Variants in SHOC1 observed in about 807,000 individuals in gnomAD.
SHOC1 encodes the protein shortage in chiasmata 1.
Under a neutral mutation model 179.2 loss-of-function variants are expected in SHOC1, and 136 were observed. The ratio of observed to expected loss-of-function variants is 0.76; its 90% CI spans 0.66 to 0.87. The LOEUF (loss-of-function observed/expected upper bound fraction) is 0.87, where lower values mean the gene tolerates loss of function less well. SHOC1 is among the 40% of genes least tolerant of loss of function. The probability of loss-of-function intolerance (pLI) is 0.00; values close to 1 mark genes in which losing one functional copy is unlikely to be tolerated. For synonymous variants in SHOC1, 489 were observed against 586.6 expected (o/e 0.83, Z 2.41); for missense variants, 1,538 against 1,700.8 (o/e 0.90, Z 1.68).
intron 5 of SHOC1, among the ~76,000 whole-genome samples, chr9:111,762,814 ACCATCATGCTTCTACCGAAC>A (rs1269117134): frequency 2.0e-5 from 3 of 152,150 alleles, no homozygotes; most frequent in Non-Finnish European, 4.4e-5. Context: ...TAAGATAGCA[ACCATCATGCTTCTACCGAAC>A]AAAGTTCTAG....
At chr9:111,689,175 C>G (rs186045661) in intron 27 of SHOC1, among the ~76,000 whole-genome samples, 1 of 151,704 alleles carries the variant, frequency 6.6e-6, no homozygotes, top group East Asian at 1.9e-4. Flanking sequence ...TGCTTGAGCC[C>G]AAGAGTTTGA....
In SHOC1 at chr9:111,703,909, A is replaced by G. The variant is rs376730478; in HGVS notation, c.2939T>C (p.Ile980Thr). 208 of 1,606,242 alleles carry G rather than the reference A, an allele frequency of 1.3e-4. 1 individual carries two copies. Among genetic ancestry groups the G allele is most frequent in the South Asian group, 9.9e-4 (89 of 90,104 alleles). The change falls in exon 22 of 28, where the codon ATT becomes ACT. Residue 980 changes from isoleucine to threonine, a missense_variant. Physicochemically the swap from Ile to Thr is moderately conservative, Grantham distance 89. Coordinates refer to ENST00000682961, the MANE Select transcript of SHOC1 (RefSeq NM_001378211.1). ...GSSECYVVVT[I>T]DEHTAIILQD... ...CAAAATTATGGCAGTGTGTTCATCA[A>G]TTGTCACCACTACATAACACTCTGA...
At chr9:111,786,594 T>G (rs1339564945) in intron 2 of SHOC1, among the ~76,000 whole-genome samples, 1 of 150,064 alleles carries the variant, frequency 6.7e-6, no homozygotes, top group African/African-American at 2.5e-5. Context: ...TCCAAAAGCA[T>G]GTGCTCACTT....
intron 11 of SHOC1, among the ~76,000 whole-genome samples, chr9:111,739,426 G>A (rs10981042): frequency 0.013 from 2,015 of 151,980 alleles, 55 homozygotes; most frequent in African/African-American, 0.046. Context: ...CATTCCCTCC[G>A]AAGTTTTGTA....
rs1028820574 is a variant in SHOC1 at position 111,786,017 on chromosome 9, ACTT to A, written c.61_63del (p.Lys21del). The A allele has an allele frequency of 6.7e-7, 1 of 1,500,380 alleles. No homozygotes were observed. The highest frequency in any genetic ancestry group is 8.9e-7 in the Non-Finnish European group (1 of 1,127,026). 92.9% of individuals were successfully genotyped at this position (1,500,380 alleles called of 1,614,324 possible). ...CGAAGCAATAAAGCATCTCTGTAAA[ACTT>A]CTTTCTAACCACATTCTGTGGAAGA... On this transcript the variant is annotated inframe_deletion, in exon 3 of 28. Transcript: ENST00000682961.
intron 5 of SHOC1, among the ~76,000 whole-genome samples, chr9:111,762,638 A>G (rs906753744): frequency 1.3e-5 from 2 of 152,160 alleles, no homozygotes; most frequent in Non-Finnish European, 2.9e-5. Context: ...ATCTTAACCT[A>G]TGTAGAAAAA....
intron 5 of SHOC1, among the ~76,000 whole-genome samples, chr9:111,762,348 A>AGCCC (rs548500813): frequency 6.3e-4 from 96 of 151,956 alleles, no homozygotes; most frequent in African/African-American, 2.2e-3. Context: ...GGATCACTTG[A>AGCCC]GCCCGGGGGT....
chr9:111,785,106 G>A (rs1429821184), intron 3 of SHOC1, among the ~76,000 whole-genome samples: 1 of 152,066 alleles, frequency 6.6e-6, no homozygotes, highest in East Asian at 1.9e-4. Flanking sequence ...CACACATCAA[G>A]TTCGTTCTTG....
chr9:111,781,033 G>A lies in SHOC1; in HGVS notation c.170-16C>T. 1.3e-6 allele frequency: 2 copies of A among 1,577,392 alleles called. No homozygotes were observed. The highest frequency in any genetic ancestry group is 1.7e-6 in the Non-Finnish European group (2 of 1,149,334). ...ACAGCTGAGACTAGAAAGGATAATA[G>A]TTAACATTAATGTCTAGAATTTTCT... On this transcript the variant is annotated splice_polypyrimidine_tract_variant and intron_variant, in intron 3 of 27. Transcript: ENST00000682961.
chr9:111,734,135 T>C (rs1283851989), intron 12 of SHOC1, among the ~76,000 whole-genome samples: 1 of 152,210 alleles, frequency 6.6e-6, no homozygotes, highest in Non-Finnish European at 1.5e-5. Flanking sequence ...ATTATACTGT[T>C]AAACATTCAT....
At chr9:111,776,000 G>T in intron 4 of SHOC1, 25 bp from the exon 5 acceptor site, 5 of 1,561,674 alleles carry the variant, frequency 3.2e-6, no homozygotes, top group Non-Finnish European at 4.4e-6. Context: ...AATTACTAAT[G>T]TTATGTATGT....
At chr9:111,737,660 AAAAC>A (rs58885058) in intron 12 of SHOC1, among the ~76,000 whole-genome samples, 62,236 of 147,132 alleles carry the variant, frequency 0.42, 14,264 homozygotes, top group East Asian at 0.77. Flanking sequence ...ACTATGTCTC[AAAAC>A]AAACAAACAA....
At chr9:111,729,258 T>C (rs1431834308) in intron 12 of SHOC1, among the ~76,000 whole-genome samples, 4 of 106,838 alleles carry the variant, frequency 3.7e-5, no homozygotes, top group East Asian at 2.0e-4. Flanking sequence ...CGTACCACCA[T>C]GCCAGGCTTT....
At chr9:111,713,007 A>T (rs1375655357) in intron 18 of SHOC1, 93 bp downstream of exon 18, 1 of 789,064 alleles carries the variant, frequency 1.3e-6, no homozygotes, top group Non-Finnish European at 2.1e-6. Context: ...TGCTATGTTA[A>T]TTATGTCTTA....
At chr9:111,692,578 T>A (rs1589370445) in intron 26 of SHOC1, 67 bp from the exon 27 acceptor site, 1 of 1,239,846 alleles carries the variant, frequency 8.1e-7, no homozygotes, top group East Asian at 2.4e-5. Context: ...CTTATCTATA[T>A]GGAAAGAAGG....
chr9:111,771,033 A>G (rs990051303), intron 5 of SHOC1, among the ~76,000 whole-genome samples: 5 of 152,084 alleles, frequency 3.3e-5, no homozygotes, highest in African/African-American at 1.2e-4. Context: ...TTAAGTAAAG[A>G]CTTACTACTG....
intron 23 of SHOC1, among the ~76,000 whole-genome samples, chr9:111,700,857 T>TA (rs529517059): frequency 6.6e-6 from 1 of 151,886 alleles, no homozygotes; most frequent in Non-Finnish European, 1.5e-5. Flanking sequence ...GACCAGCCCT[T>TA]AAAAAAAACC....
At chr9:111,791,352 C>G in intron 2 of SHOC1, 22 bp downstream of exon 2, 4 of 1,374,818 alleles carry the variant, frequency 2.9e-6, no homozygotes, top group Non-Finnish European at 3.9e-6. Context: ...AGTAAATAGA[C>G]AGTAAGCCAC....
intron 13 of SHOC1, among the ~76,000 whole-genome samples, chr9:111,726,685 G>C (rs1020822590): frequency 6.6e-6 from 1 of 152,114 alleles, no homozygotes; most frequent in African/African-American, 2.4e-5. Flanking sequence ...GAGACAGTAA[G>C]ACCTAACTGT....
Sources: allele counts gnomAD v4.1 joint callset (sites outside exome capture counted in the v4.1 genomes callset), GRCh38; gene constraint gnomAD v4.1.1; transcripts MANE v1.5; gene names NCBI Gene and HGNC (gene_info 2026-07-23, HGNC 2026-07-21).